The following KRT7 variants were observed in gnomAD, a reference collection of about 807,000 sequenced individuals.
KRT7 encodes keratin 7.
In KRT7, 50 loss-of-function variants were observed where a neutral mutation model predicts 42.8. That is an observed-to-expected ratio of 1.17 (90% CI 0.93 to 1.48). KRT7 has a LOEUF of 1.48. KRT7 is among the 40% of genes most tolerant of loss of function. KRT7 has a pLI of 0.00. For missense variants in KRT7, 588 were observed against 637.6 expected (o/e 0.92, Z 0.84); for synonymous variants, 268 against 266.3 (o/e 1.01, Z -0.06).
intron 6 of KRT7, 78 bp downstream of exon 6, chr12:52,243,215 G>A: frequency 6.6e-7 from 1 of 1,506,158 alleles, no homozygotes; most frequent in Non-Finnish European, 8.9e-7. Context: ...TCAGGATGTG[G>A]AGCAGGAGGT....
At chr12:52,255,705 A>G (rs2051443), downstream of KRT7, among the ~76,000 whole-genome samples, 40,437 of 152,028 alleles carry the variant, frequency 0.27, 5,651 homozygotes, top group African/African-American at 0.36. Flanking sequence ...TGGGGCAGGA[A>G]CCCTGCCCAG....
At chr12:52,244,757 A>T (rs1404445144) in intron 6 of KRT7, 1 of 558,420 alleles carries the variant, frequency 1.8e-6, no homozygotes, top group Non-Finnish European at 2.3e-6. Context: ...AGAAAGTGGC[A>T]GCTGCTCCAG....
downstream of KRT7, chr12:52,250,323 C>T (rs1942244328): frequency 1.5e-5 from 5 of 331,810 alleles, no homozygotes; most frequent in South Asian, 1.3e-4. Flanking sequence ...GGATGCGAGA[C>T]AGGAAGGCGC....
chr12:52,235,204 T>A lies in KRT7; in HGVS notation c.374T>A (p.Leu125Gln), dbSNP rs776502117. The A allele has an allele frequency of 6.2e-7, 1 of 1,614,168 alleles. No individual in the cohort carries two copies. ...QNKLLETKWTLLQEQKSAKSS... is the reference protein window; with the variant it reads ...QNKLLETKWTQLQEQKSAKSS... ...AAGCTGCTGGAGACCAAGTGGACGCTGCTGCAGGAGCAGAAGTCGGCCAAG... is the reference window on the plus strand; with the variant it reads ...AAGCTGCTGGAGACCAAGTGGACGCAGCTGCAGGAGCAGAAGTCGGCCAAG... The change falls in exon 2 of 9, where the codon CTG (leucine) becomes CAG (glutamine). Residue 125 changes from leucine to glutamine, a missense_variant. By Grantham distance (113) the Leu-to-Gln change is moderately radical. Coordinates refer to ENST00000331817, the MANE Select transcript of KRT7 (RefSeq NM_005556.4).
At chr12:52,254,874 C>T (rs752636088), downstream of KRT7, among the ~76,000 whole-genome samples, 1 of 152,200 alleles carries the variant, frequency 6.6e-6, no homozygotes, top group Non-Finnish European at 1.5e-5. Context: ...CTGGAAGGGC[C>T]TAATGAGAGT....
chr12:52,253,744 G>A (rs1039681670), downstream of KRT7: 138 of 1,089,694 alleles, frequency 1.3e-4, 1 homozygote, highest in Admixed American at 2.5e-3. Context: ...TCTGAGATGT[G>A]CGACTGGAGA....
Position 52,237,172 on chromosome 12 carries a change from A to G in KRT7, c.537-337A>G, listed in dbSNP as rs78715218. Among the ~76,000 whole-genome samples, 683 of 152,328 alleles carry G rather than the reference A, an allele frequency of 4.5e-3. 7 individuals are homozygous for G. Among genetic ancestry groups the G allele is most frequent in the African/African-American group, 0.015 (634 of 41,554 alleles). ...TGAGGATGAAATGAGCTCATGCATAAGAAGCACATAATGGTGCACACCCCA... is the reference window on the plus strand; with the variant it reads ...TGAGGATGAAATGAGCTCATGCATAGGAAGCACATAATGGTGCACACCCCA... On this transcript the variant is annotated intron_variant, in intron 2 of 8. Transcript: ENST00000331817.
intron 1 of KRT7, among the ~76,000 whole-genome samples, chr12:52,234,468 C>A (rs540063764): frequency 1.7e-4 from 26 of 152,258 alleles, no homozygotes; most frequent in African/African-American, 6.3e-4. Flanking sequence ...CCGCCTCCCT[C>A]ACGTTCTCCT....
rs763632449 is a variant in KRT7, at chr12:52,245,430, G to A, written c.1003G>A (p.Ala335Thr). The A allele has an allele frequency of 1.5e-5, 25 of 1,613,672 alleles. No individual in the cohort carries two copies. Among genetic ancestry groups the A allele is most frequent in the East Asian group, 1.3e-4 (6 of 44,896 alleles). Residue 335 changes from alanine to threonine, a missense_variant, in exon 7 of 9, where the codon GCC becomes ACC. Ala to Thr is a moderately conservative substitution (Grantham distance 58). Coordinates refer to ENST00000331817, the MANE Select transcript of KRT7 (RefSeq NM_005556.4). ...IKNQRAKLEA[A>T]IAEAEERGEL... Reference sequence around the variant, plus strand: ...CCCACAGCGTGCCAAGTTGGAGGCCGCCATTGCCGAGGCTGAGGAGCGTGG... The same window carrying A: ...CCCACAGCGTGCCAAGTTGGAGGCCACCATTGCCGAGGCTGAGGAGCGTGG...
At chr12:52,252,977 C>T (rs1344236709), downstream of KRT7, among the ~76,000 whole-genome samples, 1 of 152,210 alleles carries the variant, frequency 6.6e-6, no homozygotes. Context: ...GCCCCTTAGA[C>T]TGGTGCTATT....
At chr12:52,242,862 TG>T in intron 5 of KRT7, 149 bp from the exon 6 acceptor site, 1 of 831,080 alleles carries the variant, frequency 1.2e-6, no homozygotes, top group Non-Finnish European at 1.8e-6. Context: ...CACTGCTGTC[TG>T]GTCTCCTGGC....
downstream of KRT7, chr12:52,253,219 C>G (rs962759318): frequency 4.4e-6 from 7 of 1,607,542 alleles, no homozygotes; most frequent in Non-Finnish European, 6.0e-6. Context: ...ATACCTGGCA[C>G]TTGGCGTTCT....
In KRT7 at chr12:52,233,460, A is replaced by C. The variant is rs373120760; in HGVS notation, c.164A>C (p.Tyr55Ser). 9.3e-6 allele frequency: 15 copies of C among 1,608,302 alleles called. No individual in the cohort carries two copies. The Admixed American group carries it at 1.8e-4, about 20-fold the overall frequency. Residue 55 changes from tyrosine to serine, a missense_variant, in exon 1 of 9, where the codon TAT (tyrosine) becomes TCT (serine). By Grantham distance (144) the Tyr-to-Ser change is moderately radical. Transcript: ENST00000331817. ...CCGCGCGTGGCCGTGCGCTCTGCCT[A>C]TGGGGGCCCGGTGGGCGCCGGCATC... The part of the protein sequence containing the change: ...SRPRVAVRSA[Y>S]GGPVGAGIRE...
chr12:52,233,461 T>C lies in KRT7; in HGVS notation c.165T>C (p.Tyr55=), dbSNP rs1941953265. The change falls in exon 1 of 9, where the codon TAT becomes TAC. Residue 55 remains tyrosine, a synonymous_variant. Coordinates refer to ENST00000331817, the MANE Select transcript of KRT7 (RefSeq NM_005556.4). ...CGCGCGTGGCCGTGCGCTCTGCCTA[T>C]GGGGGCCCGGTGGGCGCCGGCATCC... The part of the protein sequence containing the change: ...SRPRVAVRSA[Y]GGPVGAGIRE... 11 of 1,608,916 alleles carry C rather than the reference T, an allele frequency of 6.8e-6. No homozygotes were observed. The East Asian group carries it at 2.5e-4, about 36-fold the overall frequency.
chr12:52,253,552 C>T (rs568360951), downstream of KRT7: 87 of 1,603,550 alleles, frequency 5.4e-5, no homozygotes, highest in East Asian at 8.1e-4. Context: ...AGGTACCTTG[C>T]ATCCCTCCAA....
At chr12:52,233,799 A>G (rs1449087731) in intron 1 of KRT7, among the ~76,000 whole-genome samples, 179 bp downstream of exon 1, 1 of 151,838 alleles carries the variant, frequency 6.6e-6, no homozygotes, top group African/African-American at 2.4e-5. Context: ...CCCCGTGGCT[A>G]TTTTATCCCC....
At chr12:52,244,053 G>A (rs1426042023) in intron 6 of KRT7, among the ~76,000 whole-genome samples, 1 of 152,252 alleles carries the variant, frequency 6.6e-6, no homozygotes, top group Non-Finnish European at 1.5e-5. Context: ...GTGTGGCCAG[G>A]GCAGCTCAGC....
rs773732892 is a variant in KRT7 at position 52,245,373 on chromosome 12, C to G, written c.985-39C>G. ...CAGGATGGGCAGGCAGGAAGGCAGA[C>G]TGGTGAGCCCCAGCTTACAGCTGCA... On this transcript the variant is annotated intron_variant, in intron 6 of 8. Coordinates refer to ENST00000331817, the MANE Select transcript of KRT7 (RefSeq NM_005556.4). 21 of 1,603,176 alleles carry G rather than the reference C, an allele frequency of 1.3e-5. No homozygotes were observed. The South Asian group carries it at 1.4e-4, about 11-fold the overall frequency.
downstream of KRT7, chr12:52,252,631 G>A: frequency 1.0e-6 from 1 of 972,026 alleles, no homozygotes; most frequent in Non-Finnish European, 1.5e-6. Context: ...AGGCATGTTT[G>A]CACAGTGTCT....
Sources: allele counts gnomAD v4.1 joint callset (sites outside exome capture counted in the v4.1 genomes callset), GRCh38; gene constraint gnomAD v4.1.1; transcripts MANE v1.5; gene names NCBI Gene and HGNC (gene_info 2026-07-23, HGNC 2026-07-21).